TTC27: variants seen among roughly 807,000 people sequenced by gnomAD.
TTC27 encodes tetratricopeptide repeat protein 27.
TTC27 carries 79 observed loss-of-function variants against 115.9 expected under a neutral mutation model. The observed-to-expected ratio is 0.68, with a 90% confidence interval of 0.57 to 0.82. The LOEUF (loss-of-function observed/expected upper bound fraction) is 0.82. Among genes scored for constraint, TTC27 ranks in the 40% least tolerant of loss-of-function variants. TTC27 has a pLI of 0.00. For synonymous variants in TTC27, 401 were observed against 356.0 expected (o/e 1.13, Z -1.42); for missense variants, 1,054 against 993.1 (o/e 1.06, Z -0.82).
At chr2:32,684,484 C>T (rs1666562194) in intron 9 of TTC27, among the ~76,000 whole-genome samples, 1 of 151,916 alleles carries the variant, frequency 6.6e-6, no homozygotes. Context: ...TGAATTGATA[C>T]TGGCAGCTTG....
intron 10 of TTC27, among the ~76,000 whole-genome samples, chr2:32,711,815 C>G (rs62133870): frequency 0.021 from 3,250 of 152,134 alleles, 56 homozygotes; most frequent in Non-Finnish European, 0.031. Flanking sequence ...TGGCAGGCAC[C>G]TGTAATCCCA....
chr2:32,744,789 G>A (rs576013734), intron 12 of TTC27, among the ~76,000 whole-genome samples: 2 of 152,188 alleles, frequency 1.3e-5, no homozygotes, highest in African/African-American at 4.8e-5. Context: ...GGTGGCTCCC[G>A]CCTGTAATCC....
intron 16 of TTC27, among the ~76,000 whole-genome samples, chr2:32,809,338 T>C (rs1671239713): frequency 6.6e-6 from 1 of 152,240 alleles, no homozygotes; most frequent in Non-Finnish European, 1.5e-5. Context: ...CCAGGCACTA[T>C]ATTAAACACT....
chr2:32,805,784 C>T (rs1485306767), intron 16 of TTC27, among the ~76,000 whole-genome samples: 5 of 152,204 alleles, frequency 3.3e-5, no homozygotes, highest in Non-Finnish European at 7.3e-5. Flanking sequence ...TTGCTTCACA[C>T]TTTTCAAACC....
At chr2:32,672,250 A>G in intron 7 of TTC27, 22 bp from the exon 8 acceptor site, 1 of 1,575,182 alleles carries the variant, frequency 6.3e-7, no homozygotes, top group African/African-American at 1.4e-5. Flanking sequence ...TGGTCTAAGT[A>G]TTTTCTTTTG....
At chr2:32,708,301 C>CTTGTTTTTTTTGT (rs1667449162) in intron 10 of TTC27, among the ~76,000 whole-genome samples, 1 of 80,260 alleles carries the variant, frequency 1.2e-5, no homozygotes, top group African/African-American at 5.4e-5. Flanking sequence ...TTTTCTCTAC[C>CTTGTTTTTTTTGT]TTGTTTTTTT....
chr2:32,773,320 C>T (rs990615007), intron 13 of TTC27, among the ~76,000 whole-genome samples: 3 of 152,210 alleles, frequency 2.0e-5, no homozygotes, highest in African/African-American at 7.2e-5. Flanking sequence ...CTTGCCCCAT[C>T]CTGTGGCCAC....
intron 1 of TTC27, among the ~76,000 whole-genome samples, chr2:32,630,033 G>A (rs1044918603): frequency 1.3e-5 from 2 of 152,194 alleles, no homozygotes; most frequent in African/African-American, 4.8e-5. Context: ...AACAAGTGGA[G>A]AAGAGTTCAA....
intron 14 of TTC27, among the ~76,000 whole-genome samples, chr2:32,779,435 G>A (rs1303185671): frequency 2.6e-5 from 4 of 152,080 alleles, no homozygotes; most frequent in African/African-American, 9.7e-5. Flanking sequence ...TTGGCCATTC[G>A]TATATCCTCT....
intron 10 of TTC27, among the ~76,000 whole-genome samples, chr2:32,716,664 A>G (rs1208003965): frequency 6.6e-6 from 1 of 151,882 alleles, no homozygotes; most frequent in Non-Finnish European, 1.5e-5. Context: ...TCTATTGGGT[A>G]ATTTTTATCA....
At chr2:32,686,517 G>A (rs1425269048) in intron 9 of TTC27, among the ~76,000 whole-genome samples, 2 of 151,866 alleles carry the variant, frequency 1.3e-5, no homozygotes, top group South Asian at 2.1e-4. Flanking sequence ...GAACCACCAC[G>A]CCTAGCTGAT....
In TTC27 at chr2:32,780,861, T is replaced by C. The variant is rs1239991907; in HGVS notation, c.1780-1765T>C. On this transcript the variant is annotated intron_variant, in intron 14 of 19. Coordinates refer to ENST00000317907, the MANE Select transcript of TTC27 (RefSeq NM_017735.5). ...TACTTCTAGTAGGTGTTTTTTTTTTTTTTGTGGACTCCTTAAAATGTTCTA... is the reference window on the plus strand; with the variant it reads ...TACTTCTAGTAGGTGTTTTTTTTTTCTTTGTGGACTCCTTAAAATGTTCTA... Among the ~76,000 whole-genome samples, 6 of 152,082 alleles carry C rather than the reference T, an allele frequency of 3.9e-5. No homozygotes were observed. The South Asian group carries it at 1.0e-3, about 26-fold the overall frequency.
chr2:32,682,841 A>ATTTTTT lies in TTC27; in HGVS notation c.1119+3921_1119+3922insTTTTTT, dbSNP rs1559204114. 2.5e-4 allele frequency among the ~76,000 whole-genome samples: 19 copies of ATTTTTT among 77,500 alleles called. 1 individual carries two copies. The highest frequency in any genetic ancestry group is 7.8e-4 in the East Asian group (2 of 2,576). The allele number at this position is 77,500 out of a possible 152,430, so 50.8% of individuals were successfully genotyped here. A position where few individuals can be genotyped will look rare whatever the true frequency, so the allele number is the denominator to read the frequency against. ...GGGCCACCACACCCGGATAATTTTT[A>ATTTTTT]TTGTTGTTTTTTTTTTTTTTTTTTT... is the stretch of plus-strand genomic sequence containing the variant. On this transcript the variant is annotated intron_variant, in intron 9 of 19. Transcript: ENST00000317907.
At chr2:32,635,839 A>G (rs1446019975) in intron 3 of TTC27, among the ~76,000 whole-genome samples, 2 of 152,224 alleles carry the variant, frequency 1.3e-5, no homozygotes, top group African/African-American at 2.4e-5. Context: ...TTTGCATATC[A>G]GCTTAGTGAG....
Position 32,722,157 on chromosome 2 carries a change from T to C in TTC27, c.1234-11671T>C, listed in dbSNP as rs189965745. 1.2e-4 allele frequency among the ~76,000 whole-genome samples: 19 copies of C among 152,198 alleles called. No individual in the cohort carries two copies. In the East Asian group the frequency reaches 1.3e-3, roughly 11 times the overall value. ...TACTACCTGGGAAACCTGAACAACA[T>C]TGAGATAATTACAGTGCCTCATGTA... On this transcript the variant is annotated intron_variant, in intron 10 of 19. Coordinates refer to ENST00000317907, the MANE Select transcript of TTC27 (RefSeq NM_017735.5).
At chr2:32,663,734 G>C (rs1044839211) in intron 5 of TTC27, among the ~76,000 whole-genome samples, 1 of 152,076 alleles carries the variant, frequency 6.6e-6, no homozygotes, top group Admixed American at 6.6e-5. Context: ...GCTCAGGCTG[G>C]AGTGCAGTGG....
intron 9 of TTC27, among the ~76,000 whole-genome samples, chr2:32,692,454 T>C (rs1666849855): frequency 6.6e-6 from 1 of 152,050 alleles, no homozygotes; most frequent in South Asian, 2.1e-4. Context: ...GGTATAGAGT[T>C]TCAGCTGCAA....
intron 10 of TTC27, among the ~76,000 whole-genome samples, chr2:32,709,410 C>A (rs1396845157): frequency 1.3e-5 from 2 of 152,040 alleles, no homozygotes; most frequent in Non-Finnish European, 2.9e-5. Flanking sequence ...ATGCTTGGGA[C>A]CAGAAATGTT....
chr2:32,670,996 C>T (rs1039709905), intron 7 of TTC27, among the ~76,000 whole-genome samples: 68 of 152,140 alleles, frequency 4.5e-4, no homozygotes, highest in African/African-American at 1.6e-3. Flanking sequence ...GATGCAAGTC[C>T]CTTTTCAGAT....
Sources: allele counts gnomAD v4.1 joint callset (sites outside exome capture counted in the v4.1 genomes callset), GRCh38; gene constraint gnomAD v4.1.1; transcripts MANE v1.5; gene names NCBI Gene and HGNC (gene_info 2026-07-23, HGNC 2026-07-21).